Variants in ACBD6 observed in about 807,000 individuals in gnomAD.
The protein encoded by ACBD6 is acyl-CoA binding domain containing 6.
Under a neutral mutation model 37.2 loss-of-function variants are expected in ACBD6, and 28 were observed. The ratio of observed to expected loss-of-function variants is 0.75; its 90% CI spans 0.56 to 1.03. The LOEUF (loss-of-function observed/expected upper bound fraction) is 1.03. Among genes scored for constraint, ACBD6 ranks in the 50% least tolerant of loss-of-function variants. The pLI, the probability that ACBD6 is intolerant of heterozygous loss-of-function variation, is 0.00. For missense variants in ACBD6, 340 were observed against 337.4 expected (o/e 1.01, Z -0.06); for synonymous variants, 113 against 126.8 (o/e 0.89, Z 0.73).
intron 6 of ACBD6, among the ~76,000 whole-genome samples, chr1:180,360,913 T>C (rs967034271): frequency 3.3e-5 from 5 of 151,938 alleles, no homozygotes; most frequent in Non-Finnish European, 7.4e-5. Flanking sequence ...GTTGGAAGAG[T>C]AATAACCAAG....
At chr1:180,459,987 T>G (rs1049252663) in intron 3 of ACBD6, among the ~76,000 whole-genome samples, 6 of 149,186 alleles carry the variant, frequency 4.0e-5, no homozygotes, top group Non-Finnish European at 8.9e-5. Context: ...TTTTTTTTTT[T>G]TTTTTAATTA....
At chr1:180,354,601 G>A (rs1047596141) in intron 6 of ACBD6, among the ~76,000 whole-genome samples, 2 of 152,076 alleles carry the variant, frequency 1.3e-5, no homozygotes, top group Non-Finnish European at 2.9e-5. Flanking sequence ...CGATAAAGTA[G>A]GACTGCCGAT....
At chr1:180,469,145 A>G (rs1320727872) in intron 3 of ACBD6, among the ~76,000 whole-genome samples, 1 of 152,064 alleles carries the variant, frequency 6.6e-6, no homozygotes, top group Non-Finnish European at 1.5e-5. Context: ...AGCATCTTCT[A>G]TTTTTCCTCT....
chr1:180,319,840 C>T (rs1273330998), intron 6 of ACBD6, among the ~76,000 whole-genome samples: 1 of 152,142 alleles, frequency 6.6e-6, no homozygotes, highest in Non-Finnish European at 1.5e-5. Flanking sequence ...AGATCTCATT[C>T]TTTTTAATGA....
At chr1:180,323,588 G>A (rs114481414) in intron 6 of ACBD6, among the ~76,000 whole-genome samples, 1,589 of 151,932 alleles carry the variant, frequency 0.01, 35 homozygotes, top group African/African-American at 0.036. Context: ...CTTCAGTGTT[G>A]GATGCATATA....
At chr1:180,473,833 A>G (rs1650670684) in intron 3 of ACBD6, among the ~76,000 whole-genome samples, 1 of 152,194 alleles carries the variant, frequency 6.6e-6, no homozygotes, top group Admixed American at 6.5e-5. Context: ...ATATACACAC[A>G]CACATAAACA....
chr1:180,285,080 GA>G, downstream of ACBD6, among the ~76,000 whole-genome samples: 1 of 152,258 alleles, frequency 6.6e-6, no homozygotes, highest in African/African-American at 2.4e-5. Flanking sequence ...AGTCTGCAGT[GA>G]GCTATAATGG....
intron 6 of ACBD6, among the ~76,000 whole-genome samples, chr1:180,385,143 G>C (rs1235622977): frequency 6.6e-6 from 1 of 151,972 alleles, no homozygotes; most frequent in Non-Finnish European, 1.5e-5. Context: ...AAGGCAGTTA[G>C]AAGAGAGAAC....
In ACBD6 at chr1:180,497,555, TACC is replaced by T. The variant is rs561418363; in HGVS notation, c.223-2033_223-2031del. 9.8e-5 allele frequency among the ~76,000 whole-genome samples: 15 copies of T among 152,342 alleles called. No homozygotes were observed. The South Asian group carries it at 1.5e-3, about 15-fold the overall frequency. ...TATATGGGTTATATCTATCGATATT[TACC>T]ACATTAGAAATTAAAACTGGGACAT... On this transcript the variant is annotated intron_variant, in intron 1 of 7. Coordinates refer to ENST00000367595, the MANE Select transcript of ACBD6 (RefSeq NM_032360.4).
chr1:180,283,209 A>G (rs189072029), intron 8 of ACBD6, among the ~76,000 whole-genome samples: 3 of 152,300 alleles, frequency 2.0e-5, no homozygotes, highest in Admixed American at 2.0e-4. Flanking sequence ...ATGGAAACCG[A>G]GATTGCTACG....
intron 3 of ACBD6, among the ~76,000 whole-genome samples, chr1:180,460,425 G>A (rs1342216662): frequency 6.6e-6 from 1 of 152,162 alleles, no homozygotes; most frequent in African/African-American, 2.4e-5. Flanking sequence ...TGAAAGTGAG[G>A]CTAGACTGCT....
intron 3 of ACBD6, among the ~76,000 whole-genome samples, chr1:180,468,322 G>A (rs1376907502): frequency 2.6e-5 from 4 of 152,186 alleles, no homozygotes; most frequent in Non-Finnish European, 5.9e-5. Flanking sequence ...AGAAGCAGTA[G>A]GAGTCAAAGC....
At chr1:180,362,303 A>C (rs774832628) in intron 6 of ACBD6, among the ~76,000 whole-genome samples, 7 of 152,248 alleles carry the variant, frequency 4.6e-5, no homozygotes, top group Non-Finnish European at 4.4e-5. Context: ...TATGAGATTC[A>C]ACAATGACAT....
At chr1:180,439,322 C>T (rs561443777) in intron 3 of ACBD6, among the ~76,000 whole-genome samples, 2 of 152,120 alleles carry the variant, frequency 1.3e-5, no homozygotes, top group Non-Finnish European at 2.9e-5. Flanking sequence ...TGGGGGCTCA[C>T]GCCTGTAATC....
chr1:180,495,382 A>C (rs1651691998), intron 2 of ACBD6, 79 bp downstream of exon 2: 1 of 1,027,366 alleles, frequency 9.7e-7, no homozygotes, highest in Admixed American at 2.3e-5. Flanking sequence ...ATAATTCTTT[A>C]ATCAGCTCAC....
intron 3 of ACBD6, among the ~76,000 whole-genome samples, chr1:180,444,773 G>A (rs1259095944): frequency 6.6e-6 from 1 of 152,134 alleles, no homozygotes; most frequent in Non-Finnish European, 1.5e-5. Context: ...TTCTTACATT[G>A]CCTGAGACTC....
intron 7 of ACBD6, among the ~76,000 whole-genome samples, chr1:180,301,933 T>C (rs546312803): frequency 1.3e-5 from 2 of 152,240 alleles, no homozygotes; most frequent in East Asian, 1.9e-4. Context: ...TGATTTAATA[T>C]TGCATTTTTA....
rs1652040746 is a variant in ACBD6 at position 180,343,092 on chromosome 1, C to T, written c.664-28370G>A. Among the ~76,000 whole-genome samples, 7 of 151,828 alleles carry T rather than the reference C, an allele frequency of 4.6e-5. 1 individual carries two copies. The South Asian group carries it at 1.5e-3, about 32-fold the overall frequency. On this transcript the variant is annotated intron_variant, in intron 6 of 7. Transcript: ENST00000367595. The stretch of plus-strand genomic sequence containing the variant: ...TTAAAATAGGTTATATGTTTGAAAT[C>T]TTTTAAATAGATGAAACATTAGGGT...
chr1:180,467,964 G>A (rs1650414905), intron 3 of ACBD6, among the ~76,000 whole-genome samples: 1 of 152,066 alleles, frequency 6.6e-6, no homozygotes, highest in South Asian at 2.1e-4. Flanking sequence ...CAAAACCTGA[G>A]GCAAAGCTCC....
Sources: allele counts gnomAD v4.1 joint callset (sites outside exome capture counted in the v4.1 genomes callset), GRCh38; gene constraint gnomAD v4.1.1; transcripts MANE v1.5; gene names NCBI Gene and HGNC (gene_info 2026-07-23, HGNC 2026-07-21).